Variants in SPECC1L observed in about 807,000 individuals in gnomAD.
SPECC1L encodes the protein sperm antigen with calponin homology and coiled-coil domains 1 like.
SPECC1L carries 40 observed loss-of-function variants against 116.8 expected under a neutral mutation model. The ratio of observed to expected loss-of-function variants is 0.34; its 90% CI spans 0.27 to 0.45. The LOEUF is 0.45. Among genes scored for constraint, SPECC1L ranks in the 20% least tolerant of loss-of-function variants. SPECC1L has a pLI of 1.00. For synonymous variants in SPECC1L, 504 were observed against 500.6 expected, an observed-to-expected ratio of 1.01 and a Z score of -0.09; for missense variants, 1,110 against 1,373.6, an observed-to-expected ratio of 0.81 and a Z score of 3.03.
intron 2 of SPECC1L, among the ~76,000 whole-genome samples, chr22:24,277,257 T>A (rs987387657): frequency 6.6e-6 from 1 of 152,234 alleles, no homozygotes; most frequent in Non-Finnish European, 1.5e-5. Context: ...AACACTTATC[T>A]TCCTCTCCCA....
chr22:24,281,225 TAGAG>T (rs2048936956), intron 2 of SPECC1L, among the ~76,000 whole-genome samples: 1 of 152,202 alleles, frequency 6.6e-6, no homozygotes, highest in African/African-American at 2.4e-5. Context: ...ATTTACAAAG[TAGAG>T]AGAAAAATGT....
At chr22:24,338,058 T>G (rs370450737) in intron 9 of SPECC1L, among the ~76,000 whole-genome samples, 7 of 152,366 alleles carry the variant, frequency 4.6e-5, no homozygotes, top group African/African-American at 1.7e-4. Flanking sequence ...TAAATACTCC[T>G]CTTGGGTTTT....
chr22:24,349,614 A>G (rs954588143), intron 11 of SPECC1L, among the ~76,000 whole-genome samples: 3 of 152,080 alleles, frequency 2.0e-5, no homozygotes, highest in Non-Finnish European at 4.4e-5. Flanking sequence ...CCACTTTCCA[A>G]ACTTGTTCTA....
intron 14 of SPECC1L, among the ~76,000 whole-genome samples, chr22:24,380,730 G>T (rs900644564): frequency 6.6e-6 from 1 of 152,108 alleles, no homozygotes; most frequent in African/African-American, 2.4e-5. Context: ...TGGCATTCTG[G>T]TTTATTATCA....
chr22:24,382,524 G>GA (rs2042080722), intron 14 of SPECC1L, among the ~76,000 whole-genome samples: 1 of 151,968 alleles, frequency 6.6e-6, no homozygotes, highest in African/African-American at 2.4e-5. Context: ...CTAACATGGT[G>GA]AAACCCCGTC....
intron 11 of SPECC1L, among the ~76,000 whole-genome samples, chr22:24,359,481 C>G (rs2041600945): frequency 1.3e-5 from 2 of 152,076 alleles, no homozygotes; most frequent in African/African-American, 4.8e-5. Context: ...TATGTGGTAC[C>G]TCCTTCCTTT....
At position 24,385,748 on chromosome 22, in the gene SPECC1L, A is replaced by G. The variant is rs2042149362; in HGVS notation, c.3087+16428A>G. Among the ~76,000 whole-genome samples, 3 of 152,256 alleles carry G rather than the reference A, an allele frequency of 2.0e-5. No homozygotes were observed. In the South Asian group the frequency reaches 6.2e-4, roughly 31 times the overall value. ...CATATGCATCAGGTAACATAGCCCCAGAGAATATAAAGGAAAACTGATAGA... is the reference window on the plus strand; with the variant it reads ...CATATGCATCAGGTAACATAGCCCCGGAGAATATAAAGGAAAACTGATAGA... On this transcript the variant is annotated intron_variant, in intron 14 of 16. Coordinates refer to ENST00000314328, the MANE Select transcript of SPECC1L (RefSeq NM_015330.6).
chr22:24,395,414 A>T (rs1028406110), intron 14 of SPECC1L, among the ~76,000 whole-genome samples: 5 of 152,190 alleles, frequency 3.3e-5, no homozygotes, highest in Admixed American at 6.5e-5. Context: ...CAGCCTGGTC[A>T]CACTGACACA....
At chr22:24,390,040 T>C (rs1690687969) in intron 14 of SPECC1L, among the ~76,000 whole-genome samples, 1 of 151,612 alleles carries the variant, frequency 6.6e-6, no homozygotes. Context: ...GACAAGGGAA[T>C]AGAGACGCTT....
chr22:24,312,175 G>A (rs930056448), intron 3 of SPECC1L, among the ~76,000 whole-genome samples: 1 of 152,074 alleles, frequency 6.6e-6, no homozygotes, highest in Admixed American at 6.5e-5. Flanking sequence ...ATCTCCCTAT[G>A]TTGCCCAGGC....
intron 14 of SPECC1L, among the ~76,000 whole-genome samples, chr22:24,386,575 C>T (rs935061394): frequency 1.3e-5 from 2 of 151,562 alleles, no homozygotes; most frequent in Non-Finnish European, 2.9e-5. Flanking sequence ...AAAAAATTTT[C>T]AGGATCTAAT....
At chr22:24,360,266 C>T (rs1187375322) in intron 11 of SPECC1L, among the ~76,000 whole-genome samples, 1 of 152,190 alleles carries the variant, frequency 6.6e-6, no homozygotes, top group African/African-American at 2.4e-5. Context: ...GTAAATGGAC[C>T]TGTGTTCTTA....
At chr22:24,337,012 G>A (rs916681545) in intron 9 of SPECC1L, among the ~76,000 whole-genome samples, 1 of 152,188 alleles carries the variant, frequency 6.6e-6, no homozygotes, top group African/African-American at 2.4e-5. Flanking sequence ...GTTTAAGGTA[G>A]GCAAGGTTAA....
intron 3 of SPECC1L, among the ~76,000 whole-genome samples, chr22:24,305,035 G>T (rs1206615559): frequency 1.3e-5 from 2 of 152,168 alleles, no homozygotes; most frequent in Non-Finnish European, 2.9e-5. Context: ...GTTTATGTGT[G>T]AGAATGCACA....
At chr22:24,279,759 T>C (rs534586491) in intron 2 of SPECC1L, among the ~76,000 whole-genome samples, 1 of 152,062 alleles carries the variant, frequency 6.6e-6, no homozygotes, top group Non-Finnish European at 1.5e-5. Flanking sequence ...ATTTTTTGTA[T>C]TTTTAGTAGA....
At chr22:24,411,789 C>A in intron 15 of SPECC1L, 85 bp downstream of exon 15, 2 of 1,107,406 alleles carry the variant, frequency 1.8e-6, no homozygotes, top group South Asian at 1.2e-5. Flanking sequence ...CTCAGCAGGT[C>A]ACATGCCACA....
chr22:24,284,725 A>G (rs527923877), intron 2 of SPECC1L, among the ~76,000 whole-genome samples: 2 of 152,294 alleles, frequency 1.3e-5, no homozygotes, highest in South Asian at 2.1e-4. Flanking sequence ...GTGAACCACA[A>G]CACCCAGCTG....
chr22:24,398,479 C>G (rs558171668), intron 14 of SPECC1L, among the ~76,000 whole-genome samples: 30 of 152,212 alleles, frequency 2.0e-4, no homozygotes, highest in Non-Finnish European at 3.8e-4. Context: ...CAGTGATCTA[C>G]AGAGACATGG....
intron 2 of SPECC1L, among the ~76,000 whole-genome samples, chr22:24,279,673 C>G (rs1266566041): frequency 6.6e-6 from 1 of 152,166 alleles, no homozygotes; most frequent in African/African-American, 2.4e-5. Flanking sequence ...GCCTCCACCT[C>G]CTGGGCTCAA....
Sources: allele counts gnomAD v4.1 joint callset (sites outside exome capture counted in the v4.1 genomes callset), GRCh38; gene constraint gnomAD v4.1.1; transcripts MANE v1.5; gene names NCBI Gene and HGNC (gene_info 2026-07-23, HGNC 2026-07-21).